The following DLGAP1 variants were observed in gnomAD, a reference collection of about 807,000 sequenced individuals.
DLGAP1 encodes the protein DLG associated protein 1, also known as disks large-associated protein 1.
Under a neutral mutation model 90.8 loss-of-function variants are expected in DLGAP1, and 11 were observed. That is an observed-to-expected ratio of 0.12 (90% CI 0.08 to 0.20). DLGAP1 has a LOEUF of 0.20. Ranked by LOEUF, DLGAP1 falls within the 10% of genes least tolerant of loss-of-function variation. DLGAP1 has a pLI of 1.00. For missense variants in DLGAP1, 1,050 were observed against 1,333.8 expected, an observed-to-expected ratio of 0.79 and a Z score of 3.31; for synonymous variants, 558 against 540.7, an observed-to-expected ratio of 1.03 and a Z score of -0.44.
At chr18:3,564,106 T>A (rs2054300272) in intron 9 of DLGAP1, among the ~76,000 whole-genome samples, 1 of 152,214 alleles carries the variant, frequency 6.6e-6, no homozygotes, top group Admixed American at 6.5e-5. Flanking sequence ...AACTGTGTTT[T>A]TTACCTTTTA....
intron 3 of DLGAP1, among the ~76,000 whole-genome samples, chr18:3,942,243 T>C (rs2072784208): frequency 6.6e-6 from 1 of 152,214 alleles, no homozygotes; most frequent in African/African-American, 2.4e-5. Flanking sequence ...GTTTCCAGTA[T>C]GTTCCCACAA....
intron 1 of DLGAP1, among the ~76,000 whole-genome samples, chr18:4,200,206 T>C (rs985562709): frequency 2.0e-5 from 3 of 152,112 alleles, no homozygotes; most frequent in African/African-American, 7.2e-5. Context: ...TTTGAAATTT[T>C]TATTAGGATT....
rs773220025 is a variant in DLGAP1, at chr18:3,879,718, G to T, written c.351C>A (p.Gly117=). 1 of 1,608,746 alleles carries T rather than the reference G, an allele frequency of 6.2e-7. No individual in the cohort carries two copies. The highest frequency in any genetic ancestry group is 8.5e-7 in the Non-Finnish European group (1 of 1,179,864). Reference sequence around the variant, plus strand: ...TGCGCTTGTACTGCAGGGTGTGATAGCCATCGCGGCTGAGTGGCAGCTGCC... The same window carrying T: ...TGCGCTTGTACTGCAGGGTGTGATATCCATCGCGGCTGAGTGGCAGCTGCC... ...FERQLPLSRD[G]YHTLQYKRTA... The change falls in exon 4 of 13, where the codon GGC becomes GGA. Residue 117 remains glycine (G), a synonymous_variant. Transcript: ENST00000315677. The surrounding 1 kb of genome is among the most constrained non-coding windows in gnomAD (Gnocchi z 6.6).
At chr18:3,850,915 C>G (rs2069302576) in intron 4 of DLGAP1, among the ~76,000 whole-genome samples, 1 of 152,106 alleles carries the variant, frequency 6.6e-6, no homozygotes, top group Non-Finnish European at 1.5e-5. Context: ...AAAAAGATTT[C>G]TAAATGGTAA....
intron 7 of DLGAP1, among the ~76,000 whole-genome samples, chr18:3,676,049 G>A (rs887843060): frequency 2.0e-5 from 3 of 152,182 alleles, no homozygotes; most frequent in African/African-American, 4.8e-5. Context: ...ATGAAAAGCA[G>A]CCCCAAACTA....
chr18:3,789,575 T>C (rs1055170807), intron 5 of DLGAP1, among the ~76,000 whole-genome samples: 16 of 151,974 alleles, frequency 1.1e-4, no homozygotes, highest in African/African-American at 3.9e-4. Flanking sequence ...AAAGGGACAA[T>C]GAAGGAAGGG....
At chr18:3,547,276 T>TG (rs2053104822) in intron 9 of DLGAP1, among the ~76,000 whole-genome samples, 1 of 120,886 alleles carries the variant, frequency 8.3e-6, no homozygotes, top group Non-Finnish European at 1.6e-5. Flanking sequence ...CACTCCAGCC[T>TG]GGGCAATAGA....
At chr18:4,169,403 C>T (rs1384170183) in intron 1 of DLGAP1, among the ~76,000 whole-genome samples, 1 of 152,092 alleles carries the variant, frequency 6.6e-6, no homozygotes, top group African/African-American at 2.4e-5. Flanking sequence ...CCTTTATGAT[C>T]AGAAAAGTAA....
chr18:3,865,712 C>T (rs897515095), intron 4 of DLGAP1, among the ~76,000 whole-genome samples: 2 of 152,176 alleles, frequency 1.3e-5, no homozygotes, highest in Non-Finnish European at 2.9e-5. Context: ...TTGTCACTTA[C>T]TAGGAGAATA....
chr18:3,874,518 CT>C (rs1478680116), intron 4 of DLGAP1: 3 of 1,448,258 alleles, frequency 2.1e-6, no homozygotes, highest in Non-Finnish European at 2.7e-6. Flanking sequence ...AAGAATTCTG[CT>C]TTTTAAAAGC....
intron 2 of DLGAP1, among the ~76,000 whole-genome samples, chr18:4,088,648 A>G (rs2075723223): frequency 6.6e-6 from 1 of 152,042 alleles, no homozygotes; most frequent in Admixed American, 6.6e-5. Flanking sequence ...GAGGTTTTTA[A>G]CCTGAATTCT....
At chr18:4,253,766 T>C (rs963234906) in intron 1 of DLGAP1, among the ~76,000 whole-genome samples, 34 of 152,210 alleles carry the variant, frequency 2.2e-4, no homozygotes, top group African/African-American at 7.7e-4. Context: ...ATTAAGGCTC[T>C]AGATACAAAT....
chr18:4,075,888 T>C (rs1393812090), intron 2 of DLGAP1, among the ~76,000 whole-genome samples: 1 of 152,176 alleles, frequency 6.6e-6, no homozygotes, highest in Non-Finnish European at 1.5e-5. Context: ...TCTAAAGTTG[T>C]TGTTGTTGTT....
chr18:3,957,171 A>T (rs1599218271), intron 3 of DLGAP1, among the ~76,000 whole-genome samples: 7 of 152,296 alleles, frequency 4.6e-5, no homozygotes, highest in Admixed American at 4.6e-4. Context: ...CTTATAAGAG[A>T]AAGAGAAGAA....
At chr18:3,875,986 C>A (rs1439845337) in intron 4 of DLGAP1, among the ~76,000 whole-genome samples, 6 of 151,168 alleles carry the variant, frequency 4.0e-5, no homozygotes, top group Non-Finnish European at 7.4e-5. Flanking sequence ...ATTTGTAAAT[C>A]CAGCTTCAAT....
chr18:3,843,902 GATATTTT>G (rs762445352), intron 4 of DLGAP1, among the ~76,000 whole-genome samples: 63 of 152,106 alleles, frequency 4.1e-4, no homozygotes, highest in Non-Finnish European at 7.9e-4. Flanking sequence ...AACCATCGAC[GATATTTT>G]GGGTGGAAGT....
At chr18:3,530,104 T>C (rs1167366026) in intron 10 of DLGAP1, among the ~76,000 whole-genome samples, 1 of 151,812 alleles carries the variant, frequency 6.6e-6, no homozygotes, top group Non-Finnish European at 1.5e-5. Flanking sequence ...TTTCCAAGAG[T>C]CCTGTTGAAA....
intron 2 of DLGAP1, among the ~76,000 whole-genome samples, chr18:4,072,680 C>T (rs994420847): frequency 8.6e-5 from 13 of 151,942 alleles, no homozygotes; most frequent in Non-Finnish European, 1.5e-4. Context: ...ATGTTGGCCA[C>T]GCTGGTCTTG....
chr18:3,890,890 G>A (rs1445323173), intron 3 of DLGAP1, among the ~76,000 whole-genome samples: 1 of 152,170 alleles, frequency 6.6e-6, no homozygotes, highest in Non-Finnish European at 1.5e-5. Context: ...CACTGCGCCA[G>A]CTTATTTCTG....
Sources: allele counts gnomAD v4.1 joint callset (sites outside exome capture counted in the v4.1 genomes callset), GRCh38; gene constraint gnomAD v4.1.1; non-coding constraint Gnocchi (gnomAD v3.1); transcripts MANE v1.5; gene names NCBI Gene and HGNC (gene_info 2026-07-23, HGNC 2026-07-21).